Variants in SUMF1 observed in about 807,000 individuals in gnomAD.
The protein encoded by SUMF1 is sulfatase modifying factor 1.
A neutral mutation model predicts 47.6 loss-of-function variants in SUMF1; 48 were observed. That is an observed-to-expected ratio of 1.01 (90% CI 0.80 to 1.28). The LOEUF (loss-of-function observed/expected upper bound fraction) is 1.28. Ranked by LOEUF, SUMF1 falls within the 50% of genes most tolerant of loss-of-function variation. The pLI, the probability that SUMF1 is intolerant of heterozygous loss-of-function variation, is 0.00. For missense variants in SUMF1, 571 were observed against 485.4 expected (o/e 1.18, Z -1.66); for synonymous variants, 230 against 192.1 (o/e 1.20, Z -1.63).
chr3:4,092,576 C>G (rs1247834238), intron 8 of SUMF1, among the ~76,000 whole-genome samples: 2 of 152,060 alleles, frequency 1.3e-5, no homozygotes, highest in Admixed American at 6.6e-5. Flanking sequence ...ATTGGTTAAC[C>G]ATGTCATATT....
intron 9 of SUMF1, among the ~76,000 whole-genome samples, chr3:4,039,208 AATTTTTTTT>A (rs1323090354): frequency 8.7e-5 from 4 of 46,186 alleles, no homozygotes; most frequent in African/African-American, 1.4e-4. Context: ...CATCTATGCA[AATTTTTTTT>A]TTTTTTTTTT....
At chr3:4,068,756 T>TAAGAAGAAGAAG (rs34308595) in intron 8 of SUMF1, 3 of 327,994 alleles carry the variant, frequency 9.1e-6, no homozygotes, top group African/African-American at 6.5e-5. Flanking sequence ...CTAAAACAAA[T>TAAGAAGAAGAAG]AAGAAGAAGA....
chr3:4,098,586 A>G (rs180957936), intron 8 of SUMF1, among the ~76,000 whole-genome samples: 1 of 152,274 alleles, frequency 6.6e-6, no homozygotes, highest in African/African-American at 2.4e-5. Flanking sequence ...AAGCTTTCTG[A>G]GTCTCTAGAT....
intron 5 of SUMF1, 111 bp from the exon 6 acceptor site, chr3:4,417,353 G>A: frequency 1.3e-6 from 1 of 775,392 alleles, no homozygotes; most frequent in Admixed American, 2.0e-5. Flanking sequence ...TTCTGAGTGA[G>A]CCAGTTAAAA....
chr3:4,258,745 C>G (rs1210844098), intron 8 of SUMF1, among the ~76,000 whole-genome samples: 1 of 140,394 alleles, frequency 7.1e-6, no homozygotes, highest in Non-Finnish European at 1.6e-5. Flanking sequence ...CCATTTGACC[C>G]AGCCATCCCA....
chr3:4,082,956 C>G (rs1408008709), intron 8 of SUMF1, among the ~76,000 whole-genome samples: 1 of 152,138 alleles, frequency 6.6e-6, no homozygotes, highest in African/African-American at 2.4e-5. Flanking sequence ...GAGTGGTGCA[C>G]TGCCTGACAG....
chr3:4,093,420 A>G (rs1692831148), intron 8 of SUMF1, among the ~76,000 whole-genome samples: 1 of 152,118 alleles, frequency 6.6e-6, no homozygotes, highest in Non-Finnish European at 1.5e-5. Context: ...CACATATTGT[A>G]CCAAAGCTTT....
chr3:4,259,265 AAAATAAAT>A (rs528800570), intron 8 of SUMF1, among the ~76,000 whole-genome samples: 1 of 152,226 alleles, frequency 6.6e-6, no homozygotes, highest in South Asian at 2.1e-4. Flanking sequence ...AAGTATAATA[AAAATAAAT>A]AAATAAATAA....
intron 1 of SUMF1, among the ~76,000 whole-genome samples, chr3:4,460,349 T>A (rs1000158288): frequency 6.6e-6 from 1 of 152,160 alleles, no homozygotes; most frequent in Non-Finnish European, 1.5e-5. Flanking sequence ...CTACCTGTTT[T>A]AAAAAATAAA....
intron 8 of SUMF1, among the ~76,000 whole-genome samples, chr3:4,156,632 A>G (rs1694457897): frequency 6.6e-6 from 1 of 151,652 alleles, no homozygotes; most frequent in Non-Finnish European, 1.5e-5. Context: ...TGATATTTCT[A>G]TATTTAAGTC....
At chr3:4,046,277 C>T (rs936450904) in intron 9 of SUMF1, among the ~76,000 whole-genome samples, 9 of 152,074 alleles carry the variant, frequency 5.9e-5, no homozygotes, top group African/African-American at 1.9e-4. Flanking sequence ...GAGAAGCTTT[C>T]GTACCTAAGA....
chr3:4,111,124 C>T (rs964505673), intron 8 of SUMF1, among the ~76,000 whole-genome samples: 7 of 151,344 alleles, frequency 4.6e-5, no homozygotes, highest in African/African-American at 9.8e-5. Flanking sequence ...TCAGGATATT[C>T]GCAGATTGGT....
At chr3:4,394,084 T>C (rs1700963847) in intron 7 of SUMF1, among the ~76,000 whole-genome samples, 1 of 152,314 alleles carries the variant, frequency 6.6e-6, no homozygotes, top group African/African-American at 2.4e-5. Flanking sequence ...TAGGTTTTTT[T>C]TGAGATTTGA....
chr3:4,222,944 C>A (rs1258888557), intron 8 of SUMF1, among the ~76,000 whole-genome samples: 2 of 152,030 alleles, frequency 1.3e-5, no homozygotes, highest in Non-Finnish European at 2.9e-5. Flanking sequence ...TCTTCCACTG[C>A]AGAAGCCTGA....
At chr3:4,165,177 C>A (rs777591045) in intron 8 of SUMF1, among the ~76,000 whole-genome samples, 4 of 152,076 alleles carry the variant, frequency 2.6e-5, no homozygotes, top group Admixed American at 1.3e-4. Flanking sequence ...CAGCTAAAGC[C>A]GCATTCTTTT....
chr3:4,307,159 T>C (rs1163938399), intron 8 of SUMF1, among the ~76,000 whole-genome samples: 1 of 152,218 alleles, frequency 6.6e-6, no homozygotes, highest in African/African-American at 2.4e-5. Context: ...TTCTTTATAA[T>C]TCAGAGGCCC....
chr3:4,311,575 G>A (rs73806999), intron 8 of SUMF1, among the ~76,000 whole-genome samples: 121 of 152,284 alleles, frequency 7.9e-4, no homozygotes, highest in African/African-American at 2.8e-3. Context: ...AAAAGTCAAT[G>A]CCACTTCTGA....
intron 8 of SUMF1, among the ~76,000 whole-genome samples, chr3:4,191,377 G>C (rs530549177): frequency 1.2e-4 from 18 of 152,258 alleles, no homozygotes; most frequent in African/African-American, 4.3e-4. Context: ...TTTAGGCAAA[G>C]TCTAGCAAGC....
At position 4,239,473 on chromosome 3, in the gene SUMF1, T is replaced by C. The variant is rs113728157; in HGVS notation, c.1014+136857A>G. On this transcript the variant is annotated intron_variant and NMD_transcript_variant, in intron 8 of 12. Coordinates refer to the SUMF1 transcript ENST00000448413. ...CTTGAGCAGTGGTTTGCAGTTCTCC[T>C]CGAGGAGGTCCTTCACATCCCTTGT... 9.8e-3 allele frequency among the ~76,000 whole-genome samples: 1,493 copies of C among 152,300 alleles called. 21 individuals carry two copies. Among genetic ancestry groups the C allele is most frequent in the Non-Finnish European group, 0.012 (843 of 68,020 alleles).
Sources: allele counts gnomAD v4.1 joint callset (sites outside exome capture counted in the v4.1 genomes callset), GRCh38; gene constraint gnomAD v4.1.1; transcripts MANE v1.5; gene names NCBI Gene and HGNC (gene_info 2026-07-23, HGNC 2026-07-21).